Variants in DEUP1 observed in about 807,000 individuals in gnomAD.
DEUP1 encodes deuterosome assembly protein 1.
In DEUP1, 82 loss-of-function variants were observed where a neutral mutation model predicts 87.4. The observed-to-expected ratio is 0.94, with a 90% CI of 0.78 to 1.13. The LOEUF is 1.13. DEUP1 is among the 50% of genes most tolerant of loss of function. The probability of loss-of-function intolerance (pLI) is 0.00; values close to 1 mark genes in which losing one functional copy is unlikely to be tolerated. For synonymous variants in DEUP1, 214 were observed against 222.7 expected, an observed-to-expected ratio of 0.96 and a Z score of 0.35; for missense variants, 663 against 681.5, an observed-to-expected ratio of 0.97 and a Z score of 0.30.
At chr11:93,430,763 G>A (rs1351772693) in intron 13 of DEUP1, among the ~76,000 whole-genome samples, 1 of 152,100 alleles carries the variant, frequency 6.6e-6, no homozygotes, top group Non-Finnish European at 1.5e-5. Flanking sequence ...AAACAAACAA[G>A]AGGAGAAAAA....
chr11:93,385,726 TC>T (rs943951715), intron 8 of DEUP1, among the ~76,000 whole-genome samples, 183 bp downstream of exon 8: 1 of 152,188 alleles, frequency 6.6e-6, no homozygotes, highest in African/African-American at 2.4e-5. Context: ...ATTAACATCT[TC>T]ACTTACCTAG....
intron 5 of DEUP1, among the ~76,000 whole-genome samples, chr11:93,368,019 G>A (rs1945508479): frequency 6.6e-6 from 1 of 152,206 alleles, no homozygotes; most frequent in African/African-American, 2.4e-5. Flanking sequence ...TAGGCAAAAT[G>A]GAGAAGCAGC....
At chr11:93,372,264 G>T (rs1376889913) in intron 7 of DEUP1, among the ~76,000 whole-genome samples, 1 of 152,082 alleles carries the variant, frequency 6.6e-6, no homozygotes, top group Non-Finnish European at 1.5e-5. Context: ...TACTTGAGAC[G>T]TTCTTTTATC....
chr11:93,412,999 CTT>C (rs1947485205), intron 12 of DEUP1, among the ~76,000 whole-genome samples: 1 of 152,004 alleles, frequency 6.6e-6, no homozygotes, highest in Non-Finnish European at 1.5e-5. Context: ...CCTCACTTAA[CTT>C]TTAATGCTAT....
At chr11:93,403,757 G>C (rs1947189330) in intron 11 of DEUP1, among the ~76,000 whole-genome samples, 1 of 151,334 alleles carries the variant, frequency 6.6e-6, no homozygotes, top group South Asian at 2.1e-4. Context: ...TTATTGAAAT[G>C]AAGAAAACTT....
chr11:93,437,433 T>G (rs1394859926), intron 13 of DEUP1, 110 bp from the exon 14 acceptor site: 2 of 761,380 alleles, frequency 2.6e-6, no homozygotes, highest in Non-Finnish European at 4.2e-6. Context: ...TATTCTTTCA[T>G]TAAGAGCTGC....
At chr11:93,344,932 G>A (rs1944267056) in intron 2 of DEUP1, among the ~76,000 whole-genome samples, 1 of 151,112 alleles carries the variant, frequency 6.6e-6, no homozygotes, top group Admixed American at 6.6e-5. Context: ...ATGGGGGTTT[G>A]TTTTACAGAT....
chr11:93,392,867 T>C (rs937713652), intron 9 of DEUP1, among the ~76,000 whole-genome samples: 1 of 151,496 alleles, frequency 6.6e-6, no homozygotes. Flanking sequence ...TTTAGTTCAC[T>C]GAGTGTGCCA....
rs182130694 is a variant in DEUP1 at position 93,378,659 on chromosome 11, A to C, written c.790-6739A>C. On this transcript the variant is annotated intron_variant, in intron 7 of 13. Transcript: ENST00000298050. ...GGTTGCTGAAGAACCTTGTTTTGTC[A>C]TATTACCAGAATTGTTTTTCTGGTT... Among the ~76,000 whole-genome samples, 19 of 152,090 alleles carry C rather than the reference A, an allele frequency of 1.2e-4. No homozygotes were observed. In the East Asian group the frequency reaches 3.1e-3, roughly 25 times the overall value.
At chr11:93,389,167 A>AGAGTTCACAT in intron 9 of DEUP1, 42 bp downstream of exon 9, 1 of 1,072,594 alleles carries the variant, frequency 9.3e-7, no homozygotes, top group Non-Finnish European at 1.4e-6. Context: ...GTAGATGTGA[A>AGAGTTCACAT]CTCTTTACAT....
Position 93,399,042 on chromosome 11 carries a change from T to A in DEUP1, c.1326+2717T>A, listed in dbSNP as rs182724648. Among the ~76,000 whole-genome samples, 193 of 152,266 alleles carry A rather than the reference T, an allele frequency of 1.3e-3. 1 individual carries two copies. Among genetic ancestry groups the A allele is most frequent in the Admixed American group, 4.1e-3 (62 of 15,282 alleles). ...CCACCCTCATGTCAATTTTTAACAATGCTTTTCCAAATCTGTTGTTTGTAA... is the reference window on the plus strand; with the variant it reads ...CCACCCTCATGTCAATTTTTAACAAAGCTTTTCCAAATCTGTTGTTTGTAA... On this transcript the variant is annotated intron_variant, in intron 11 of 13. Coordinates refer to ENST00000298050, the MANE Select transcript of DEUP1 (RefSeq NM_181645.4).
At chr11:93,356,472 A>G (rs1051910673) in intron 3 of DEUP1, among the ~76,000 whole-genome samples, 6 of 152,204 alleles carry the variant, frequency 3.9e-5, no homozygotes, top group East Asian at 3.8e-4. Flanking sequence ...GACAAATTAT[A>G]TAAGCCAAAT....
chr11:93,402,860 GC>G (rs1420508156), intron 11 of DEUP1, among the ~76,000 whole-genome samples: 1 of 151,834 alleles, frequency 6.6e-6, no homozygotes, highest in African/African-American at 2.4e-5. Context: ...GTTACCAGAG[GC>G]TAAGAAGGAT....
chr11:93,336,900 T>G (rs1249779735), intron 2 of DEUP1, among the ~76,000 whole-genome samples: 1 of 152,186 alleles, frequency 6.6e-6, no homozygotes, highest in South Asian at 2.1e-4. Context: ...GTTAAAAATA[T>G]CCCTTTACTT....
intron 7 of DEUP1, among the ~76,000 whole-genome samples, chr11:93,375,710 A>G (rs1166132075): frequency 1.3e-5 from 2 of 152,118 alleles, no homozygotes; most frequent in African/African-American, 4.8e-5. Flanking sequence ...GGGTTTTTGC[A>G]TCTATGTTCA....
chr11:93,437,749 C>CG lies in DEUP1; in HGVS notation c.*30_*31insG, dbSNP rs532022096. The CG allele has an allele frequency of 1.5e-3, 1,598 of 1,070,704 alleles. 20 individuals are homozygous for CG. In the African/African-American group the frequency reaches 0.025, roughly 17 times the overall value. 66.3% of individuals were successfully genotyped at this position (1,070,704 alleles called of 1,614,324 possible). ...TTAAACTTTTTTATTTGCTTCCCCC[C>CG]CCCACCCCCGCCAAGAAAAAAAGCT... On this transcript the variant is annotated 3_prime_UTR_variant, in exon 14 of 14. Transcript: ENST00000298050.
intron 2 of DEUP1, among the ~76,000 whole-genome samples, chr11:93,334,532 G>A (rs1315609258): frequency 6.6e-6 from 1 of 152,192 alleles, no homozygotes; most frequent in Non-Finnish European, 1.5e-5. Context: ...AAAATAGAGA[G>A]TGTGAATGGA....
intron 2 of DEUP1, among the ~76,000 whole-genome samples, chr11:93,338,404 C>CTTT (rs532505177): frequency 2.1e-5 from 3 of 139,596 alleles, no homozygotes. Context: ...ATGCAGTCAA[C>CTTT]TTTTTTTTTT....
chr11:93,436,115 T>C (rs1261693958), intron 13 of DEUP1, among the ~76,000 whole-genome samples: 3 of 152,348 alleles, frequency 2.0e-5, no homozygotes, highest in South Asian at 4.1e-4. Context: ...CCTAGGATGT[T>C]CTGACATGCC....
Sources: gnomAD v4.1 joint callset for allele counts (sites outside exome capture counted in the v4.1 genomes callset) on GRCh38, gnomAD v4.1.1 for gene constraint, MANE v1.5 for transcripts, NCBI Gene and HGNC (gene_info 2026-07-23, HGNC 2026-07-21) for gene names.